CLCN5: variants seen among roughly 807,000 people sequenced by gnomAD.
CLCN5 encodes H(+)/Cl(-) exchange transporter 5.
CLCN5 carries 17 observed loss-of-function variants against 54.0 expected under a neutral mutation model. The observed-to-expected ratio is 0.31, with a 90% CI of 0.22 to 0.47. The LOEUF (loss-of-function observed/expected upper bound fraction) is 0.47. Ranked by LOEUF, CLCN5 falls within the 20% of genes least tolerant of loss-of-function variation. The pLI is 1.00. For missense variants in CLCN5, 448 were observed against 646.7 expected (o/e 0.69, Z 3.33); for synonymous variants, 222 against 233.0 (o/e 0.95, Z 0.43).
Position 50,030,734 on chromosome X carries a change from A to G in CLCN5, c.17-11582A>G, listed in dbSNP as rs144370840. Among the ~76,000 whole-genome samples the G allele has an allele frequency of 7.1e-3, 795 of 112,344 alleles. 4 individuals are homozygous for G. Among genetic ancestry groups the G allele is most frequent in the African/African-American group, 0.024 (751 of 30,983 alleles). On this transcript the variant is annotated intron_variant, in intron 3 of 14. Transcript: ENST00000376091. The stretch of plus-strand genomic sequence containing the variant: ...AGAATGACTGTAAATTTAAAAATCA[A>G]TTCCTGACATCTGTTGAGATAAGAT...
At chrX:50,065,695 A>C (rs1435895770) in intron 4 of CLCN5, among the ~76,000 whole-genome samples, 1 of 104,659 alleles carries the variant, frequency 9.6e-6, no homozygotes, top group African/African-American at 3.5e-5. Context: ...TCATGCTGCT[A>C]TAAAGATACA....
At chrX:50,083,782 C>CT (rs782252775) in intron 9 of CLCN5, among the ~76,000 whole-genome samples, 2 of 111,896 alleles carry the variant, frequency 1.8e-5, no homozygotes, top group Non-Finnish European at 3.8e-5. Context: ...TTGTGCTATT[C>CT]TTTCACCTTT....
chrX:50,030,523 C>T (rs967967760), intron 3 of CLCN5, among the ~76,000 whole-genome samples: 59 of 111,599 alleles, frequency 5.3e-4, no homozygotes, highest in African/African-American at 1.7e-3. Flanking sequence ...CTTTTCTATA[C>T]GCATTCCTCA....
At chrX:50,034,582 G>A (rs1045014008) in intron 3 of CLCN5, among the ~76,000 whole-genome samples, 1 of 111,544 alleles carries the variant, frequency 9.0e-6, no homozygotes, top group Non-Finnish European at 1.9e-5. Flanking sequence ...GACATGCTTT[G>A]TATTTTCATT....
At chrX:49,988,530 G>A (rs1031410432) in intron 3 of CLCN5, among the ~76,000 whole-genome samples, 5 of 110,449 alleles carry the variant, frequency 4.5e-5, no homozygotes, top group African/African-American at 1.7e-4. Context: ...TACCTCCCCC[G>A]GCTCTCTATA....
At chrX:49,947,785 C>T (rs1557172411) in intron 3 of CLCN5, among the ~76,000 whole-genome samples, 1 of 111,211 alleles carries the variant, frequency 9.0e-6, no homozygotes, top group Non-Finnish European at 1.9e-5. Context: ...TTCTAGCTAC[C>T]AGTACCTATC....
At chrX:50,073,634 G>T (rs1475312913) in intron 6 of CLCN5, among the ~76,000 whole-genome samples, 1 of 111,964 alleles carries the variant, frequency 8.9e-6, no homozygotes, top group East Asian at 2.8e-4. Context: ...ATGAGCCATG[G>T]AGTAGAATGT....
intron 3 of CLCN5, among the ~76,000 whole-genome samples, chrX:49,983,920 G>T (rs1378041125): frequency 9.1e-6 from 1 of 109,520 alleles, no homozygotes; most frequent in Non-Finnish European, 1.9e-5. Flanking sequence ...TTGTGCAAAT[G>T]GTGTTGTTTT....
At chrX:50,086,960 A>C in intron 11 of CLCN5, 90 bp downstream of exon 11, 10 of 852,317 alleles carry the variant, frequency 1.2e-5, no homozygotes, top group Non-Finnish European at 1.7e-5. Flanking sequence ...CTGATAGCTC[A>C]TATGGTGCTT....
At chrX:49,958,659 C>T (rs1927450711) in intron 3 of CLCN5, among the ~76,000 whole-genome samples, 1 of 111,221 alleles carries the variant, frequency 9.0e-6, no homozygotes, top group South Asian at 3.8e-4. Context: ...CAGCAGTGGC[C>T]TCTCAATCAG....
intron 3 of CLCN5, among the ~76,000 whole-genome samples, chrX:50,018,073 C>T (rs782355951): frequency 8.9e-6 from 1 of 111,889 alleles, no homozygotes; most frequent in South Asian, 3.7e-4. Flanking sequence ...GAAAAACTTA[C>T]TTCTTGACAA....
At chrX:50,081,568 G>A in intron 8 of CLCN5, 73 bp from the exon 9 acceptor site, 1 of 784,933 alleles carries the variant, frequency 1.3e-6, no homozygotes, top group Non-Finnish European at 2.0e-6. Context: ...TCTATAATGA[G>A]GTCCAGATTT....
chrX:49,932,524 C>G (rs926525212), intron 3 of CLCN5, among the ~76,000 whole-genome samples: 6 of 111,945 alleles, frequency 5.4e-5, no homozygotes, highest in Admixed American at 1.9e-4. Flanking sequence ...GCATGTGTGG[C>G]CCCCTGGACA....
intron 7 of CLCN5, among the ~76,000 whole-genome samples, chrX:50,076,365 G>A: frequency 8.9e-6 from 1 of 111,826 alleles, no homozygotes; most frequent in Non-Finnish European, 1.9e-5. Flanking sequence ...TTATGTATAT[G>A]GATTTGAAAA....
At chrX:50,088,951 C>A in intron 12 of CLCN5, 67 bp downstream of exon 12, 4 of 1,010,634 alleles carry the variant, frequency 4.0e-6, no homozygotes, top group Non-Finnish European at 2.8e-6. Flanking sequence ...GTTTATTAAA[C>A]ACAGTTGACT....
rs781848853 is a variant in CLCN5 at position 50,097,523 on chromosome X, AAC to A, written c.*5306_*5307del. The A allele has an allele frequency of 3.6e-5, 4 of 110,858 alleles. No homozygotes were observed. In the Admixed American group the frequency reaches 3.9e-4, roughly 11 times the overall value. The allele number at this position is 110,858 out of a possible 1,213,427, so 9.1% of individuals were successfully genotyped here. A position where few individuals can be genotyped will look rare whatever the true frequency, so the allele number is the denominator to read the frequency against. ...CCTAAAGTTTGGCCTTTTGAAGAAA[AAC>A]AGCATGTGATAATATAAAAATATGA... On this transcript the variant is annotated 3_prime_UTR_variant, in exon 15 of 15. Coordinates refer to ENST00000376091, the MANE Select transcript of CLCN5 (RefSeq NM_001127898.4).
At chrX:50,088,238 A>G (rs1933961665) in intron 11 of CLCN5, among the ~76,000 whole-genome samples, 1 of 112,106 alleles carries the variant, frequency 8.9e-6, no homozygotes, top group African/African-American at 3.2e-5. Flanking sequence ...TTTGGGAATA[A>G]TAATGCCTGC....
intron 3 of CLCN5, among the ~76,000 whole-genome samples, chrX:49,984,778 C>T (rs1299221491): frequency 2.7e-5 from 3 of 110,072 alleles, no homozygotes; most frequent in Non-Finnish European, 5.7e-5. Flanking sequence ...CCACACTCAA[C>T]TATTTAAAAA....
intron 3 of CLCN5, among the ~76,000 whole-genome samples, chrX:49,959,912 G>A: frequency 9.0e-6 from 1 of 110,919 alleles, no homozygotes; most frequent in Non-Finnish European, 1.9e-5. Context: ...CATATGGGGG[G>A]CACACTTATT....
Sources: gnomAD v4.1 joint callset for allele counts (sites outside exome capture counted in the v4.1 genomes callset) on GRCh38, gnomAD v4.1.1 for gene constraint, MANE v1.5 for transcripts, NCBI Gene and HGNC (gene_info 2026-07-23, HGNC 2026-07-21) for gene names.